Variants in LCTL observed in about 807,000 individuals in gnomAD.
LCTL encodes lactase-like protein.
LCTL carries 76 observed loss-of-function variants against 75.8 expected under a neutral mutation model. That is an observed-to-expected ratio of 1.00 (90% CI 0.83 to 1.21). The LOEUF is 1.21. Ranked by LOEUF, LCTL falls within the 50% of genes most tolerant of loss-of-function variation. The probability of loss-of-function intolerance (pLI) is 0.00; values close to 1 mark genes in which losing one functional copy is unlikely to be tolerated. For missense variants in LCTL, 670 were observed against 712.4 expected (o/e 0.94, Z 0.68); for synonymous variants, 271 against 268.8 (o/e 1.01, Z -0.08).
intron 6 of LCTL, among the ~76,000 whole-genome samples, chr15:66,560,396 C>T (rs1895857376): frequency 6.6e-6 from 1 of 152,110 alleles, no homozygotes; most frequent in Admixed American, 6.6e-5. Flanking sequence ...TTCCTTCCTG[C>T]AGCATCTTCT....
intron 9 of LCTL, among the ~76,000 whole-genome samples, chr15:66,552,666 T>TAAAA (rs1895635556): frequency 1.2e-5 from 1 of 80,918 alleles, no homozygotes; most frequent in African/African-American, 8.0e-5. Flanking sequence ...TGAGACTGTC[T>TAAAA]CAAAAAAAAA....
chr15:66,565,737 C>T (rs558020620), upstream of LCTL: 12 of 202,836 alleles, frequency 5.9e-5, no homozygotes, highest in South Asian at 1.2e-3. Flanking sequence ...TTTGGCTCTC[C>T]CAACGACACG....
At chr15:66,564,174 A>C (rs1479249004) in intron 2 of LCTL, 176 bp from the exon 4 acceptor site, 5 of 606,162 alleles carry the variant, frequency 8.2e-6, no homozygotes, top group African/African-American at 7.4e-5. Flanking sequence ...CATGCAGGGG[A>C]TATGCCAAGA....
chr15:66,557,847 T>C, exon 8 of LCTL: 1 of 1,613,852 alleles, frequency 6.2e-7, no homozygotes, highest in Non-Finnish European at 8.5e-7. Context: ...GTCCACAGGT[T>C]CCCCCCAGTC....
At chr15:66,559,806 G>A (rs1895839139) in intron 6 of LCTL, among the ~76,000 whole-genome samples, 1 of 152,152 alleles carries the variant, frequency 6.6e-6, no homozygotes, top group South Asian at 2.1e-4. Flanking sequence ...ATATCTTGAG[G>A]CGGGGCGCTA....
At chr15:66,563,122 A>G (rs996968693) in intron 4 of LCTL, among the ~76,000 whole-genome samples, 1 of 152,078 alleles carries the variant, frequency 6.6e-6, no homozygotes, top group African/African-American at 2.4e-5. Flanking sequence ...CAGGTGATTG[A>G]GTCATGAGGG....
chr15:66,565,152 A>G (rs757127013), intron 1 of LCTL, 96 bp downstream of exon 2: 36 of 841,606 alleles, frequency 4.3e-5, no homozygotes, highest in Admixed American at 1.0e-4. Context: ...CATCCTGCCA[A>G]TCAGGAAGCA....
chr15:66,552,155 A>G, exon 10 of LCTL: 1 of 1,612,084 alleles, frequency 6.2e-7, no homozygotes, highest in Non-Finnish European at 8.5e-7. Context: ...ATATGGGAGG[A>G]TCACCGTATT....
At chr15:66,560,130 G>A (rs1332859200) in intron 6 of LCTL, among the ~76,000 whole-genome samples, 1 of 152,054 alleles carries the variant, frequency 6.6e-6, no homozygotes, top group Non-Finnish European at 1.5e-5. Flanking sequence ...AATATTCACA[G>A]TTTAAGAAAT....
chr15:66,553,494 G>A (rs1360355101), intron 8 of LCTL, among the ~76,000 whole-genome samples: 3 of 152,238 alleles, frequency 2.0e-5, no homozygotes, highest in East Asian at 1.9e-4. Flanking sequence ...GGTGGCTCAC[G>A]CCTATAATCC....
chr15:66,554,815 A>G (rs1416747004), intron 8 of LCTL, among the ~76,000 whole-genome samples: 1 of 150,682 alleles, frequency 6.6e-6, no homozygotes, highest in African/African-American at 2.4e-5. Flanking sequence ...GGTTTCAGTG[A>G]AAAAAAAAGC....
chr15:66,555,301 AT>A (rs561302833), intron 8 of LCTL, among the ~76,000 whole-genome samples: 5,424 of 147,152 alleles, frequency 0.037, 297 homozygotes, highest in African/African-American at 0.12. Context: ...TTAATTTTAA[AT>A]TTTTTTTTTT....
At chr15:66,563,777 C>T in intron 3 of LCTL, 134 bp downstream of exon 4, 1 of 855,806 alleles carries the variant, frequency 1.2e-6, no homozygotes, top group African/African-American at 1.7e-5. Context: ...ACCTGCAGAA[C>T]CTGTGAGAGC....
intron 2 of LCTL, 48 bp downstream of exon 3, chr15:66,564,626 CAT>C (rs777238427): frequency 2.0e-5 from 31 of 1,581,124 alleles, no homozygotes; most frequent in African/African-American, 2.7e-5. Flanking sequence ...CATGTACTCA[CAT>C]GTGTGTGCAC....
chr15:66,564,708 C>T, exon 2 of LCTL: 9 of 1,613,326 alleles, frequency 5.6e-6, no homozygotes, highest in Non-Finnish European at 6.8e-6. Flanking sequence ...CAGGCTACAT[C>T]TGCCGTCTCA....
intron 8 of LCTL, among the ~76,000 whole-genome samples, chr15:66,554,534 C>T (rs1895697686): frequency 6.6e-6 from 1 of 152,194 alleles, no homozygotes; most frequent in Non-Finnish European, 1.5e-5. Context: ...ATGGTATGTC[C>T]TATCTTTGTC....
intron 6 of LCTL, among the ~76,000 whole-genome samples, chr15:66,559,492 G>A (rs1895828008): frequency 6.6e-6 from 1 of 152,178 alleles, no homozygotes; most frequent in Admixed American, 6.5e-5. Context: ...TAGATCACGA[G>A]GTCAGGAGTT....
intron 1 of LCTL, 35 bp downstream of exon 2, chr15:66,565,213 G>T: frequency 7.1e-7 from 1 of 1,413,790 alleles, no homozygotes; most frequent in Non-Finnish European, 1.0e-6. Context: ...GTGGACGACA[G>T]ACAGGCAGAC....
At chr15:66,562,461 G>A (rs543864225) in intron 4 of LCTL, among the ~76,000 whole-genome samples, 12 of 151,996 alleles carry the variant, frequency 7.9e-5, no homozygotes, top group East Asian at 1.9e-4. Flanking sequence ...ACATAGTGAC[G>A]TTCTGAAGCA....
Sources: allele counts gnomAD v4.1 joint callset (sites outside exome capture counted in the v4.1 genomes callset), GRCh38; gene constraint gnomAD v4.1.1; transcripts MANE v1.5; gene names NCBI Gene and HGNC (gene_info 2026-07-23, HGNC 2026-07-21).